Variants in SIL1 observed in about 807,000 individuals in gnomAD.
SIL1 encodes SIL1 nucleotide exchange factor, also known as nucleotide exchange factor SIL1.
In SIL1, 40 loss-of-function variants were observed where a neutral mutation model predicts 49.1. The ratio of observed to expected loss-of-function variants is 0.81; its 90% confidence interval spans 0.63 to 1.06. The LOEUF (loss-of-function observed/expected upper bound fraction) is 1.06. SIL1 is among the 50% of genes least tolerant of loss of function. The pLI is 0.00. For missense variants in SIL1, 500 were observed against 572.6 expected (o/e 0.87, Z 1.29); for synonymous variants, 253 against 250.8 (o/e 1.01, Z -0.08).
At chr5:139,085,330 T>A (rs182370062) in intron 3 of SIL1, among the ~76,000 whole-genome samples, 14 of 152,254 alleles carry the variant, frequency 9.2e-5, no homozygotes, top group South Asian at 8.3e-4. Context: ...AGTTGGATCT[T>A]AACTCTAAAC....
At chr5:138,995,232 A>G (rs1196984870) in intron 7 of SIL1, among the ~76,000 whole-genome samples, 1 of 149,126 alleles carries the variant, frequency 6.7e-6, no homozygotes, top group Non-Finnish European at 1.5e-5. Flanking sequence ...TGGGATATCT[A>G]TCACCTTAAA....
At chr5:138,956,907 T>C (rs1022883753) in intron 7 of SIL1, among the ~76,000 whole-genome samples, 2 of 152,164 alleles carry the variant, frequency 1.3e-5, no homozygotes, top group Admixed American at 6.5e-5. Context: ...CACATCACTT[T>C]GTGTTGGGAC....
At chr5:139,072,221 T>C (rs978840851) in intron 3 of SIL1, among the ~76,000 whole-genome samples, 1 of 152,226 alleles carries the variant, frequency 6.6e-6, no homozygotes, top group Non-Finnish European at 1.5e-5. Flanking sequence ...AATTGGGGTC[T>C]ATTATAAATT....
intron 3 of SIL1, among the ~76,000 whole-genome samples, chr5:139,097,139 T>A (rs1770485667): frequency 6.6e-6 from 1 of 152,054 alleles, no homozygotes; most frequent in African/African-American, 2.4e-5. Context: ...TCTTGTGGTT[T>A]AAGTGCCACC....
chr5:139,182,240 G>A (rs745644832), intron 1 of SIL1, among the ~76,000 whole-genome samples: 3 of 152,160 alleles, frequency 2.0e-5, no homozygotes, highest in Non-Finnish European at 4.4e-5. Context: ...TGTTCCCTAG[G>A]TCTAAGGAGA....
At chr5:139,152,577 T>C (rs955995274) in intron 1 of SIL1, among the ~76,000 whole-genome samples, 3 of 147,342 alleles carry the variant, frequency 2.0e-5, no homozygotes, top group Non-Finnish European at 4.5e-5. Flanking sequence ...GCCGAGATCA[T>C]GCCACTACAC....
At chr5:139,151,083 G>C (rs1445123517) in intron 1 of SIL1, among the ~76,000 whole-genome samples, 1 of 152,156 alleles carries the variant, frequency 6.6e-6, no homozygotes, top group African/African-American at 2.4e-5. Flanking sequence ...GGACAAAATA[G>C]GTATTGAAGA....
At chr5:139,011,660 TC>T (rs1265550944) in intron 7 of SIL1, among the ~76,000 whole-genome samples, 1 of 152,152 alleles carries the variant, frequency 6.6e-6, no homozygotes, top group African/African-American at 2.4e-5. Context: ...AGTTTGATTA[TC>T]TGTTTCTGCT....
At chr5:139,154,806 A>G (rs1751376612) in intron 1 of SIL1, among the ~76,000 whole-genome samples, 1 of 152,208 alleles carries the variant, frequency 6.6e-6, no homozygotes, top group South Asian at 2.1e-4. Flanking sequence ...TAATCAAGTG[A>G]CTTGTCTCCT....
intron 3 of SIL1, among the ~76,000 whole-genome samples, chr5:139,116,355 C>T (rs745705698): frequency 2.0e-5 from 3 of 152,156 alleles, no homozygotes; most frequent in Non-Finnish European, 4.4e-5. Context: ...CCTGCACAGG[C>T]TTCCTGCGTG....
intron 9 of SIL1, among the ~76,000 whole-genome samples, chr5:138,949,614 C>A (rs2150376103): frequency 6.6e-6 from 1 of 152,008 alleles, no homozygotes; most frequent in East Asian, 1.9e-4. Flanking sequence ...GAGTTCAAGA[C>A]CAGCCTGAGC....
chr5:139,181,081 A>C (rs1046153158), intron 1 of SIL1, among the ~76,000 whole-genome samples: 1 of 152,242 alleles, frequency 6.6e-6, no homozygotes, highest in Admixed American at 6.5e-5. Context: ...TTATGCCATT[A>C]TAATAACATT....
At chr5:138,983,248 C>A (rs1767571365) in intron 7 of SIL1, among the ~76,000 whole-genome samples, 1 of 147,678 alleles carries the variant, frequency 6.8e-6, no homozygotes, top group African/African-American at 2.5e-5. Flanking sequence ...GTGGCTCACA[C>A]CTGTCATCCC....
At chr5:139,078,566 C>T (rs1770002710) in intron 3 of SIL1, among the ~76,000 whole-genome samples, 1 of 152,184 alleles carries the variant, frequency 6.6e-6, no homozygotes, top group Non-Finnish European at 1.5e-5. Context: ...AGGCAACTTG[C>T]ACAGGCCAGC....
intron 2 of SIL1, among the ~76,000 whole-genome samples, chr5:139,124,311 G>A (rs554321515): frequency 1.8e-4 from 28 of 152,192 alleles, no homozygotes; most frequent in African/African-American, 6.0e-4. Context: ...ATGAACCACC[G>A]AGCTACATGC....
intron 3 of SIL1, among the ~76,000 whole-genome samples, chr5:139,098,653 G>C (rs1770520487): frequency 6.6e-6 from 1 of 152,004 alleles, no homozygotes; most frequent in Admixed American, 6.6e-5. Flanking sequence ...AAGGTGAAGA[G>C]ACAACCCACA....
chr5:138,951,247 G>T lies in SIL1; in HGVS notation c.953C>A (p.Thr318Asn), dbSNP rs1461481800. ...CTCCGTGCCCTTCTCCTGCACCAGG[G>T]TCCTCAGGACCTGCAGCCCCCCGAG... is the stretch of plus-strand genomic sequence containing the variant. ...LKLGGLQVLRTLVQEKGTEVL... is the reference protein window; with the variant it reads ...LKLGGLQVLRNLVQEKGTEVL... Residue 318 changes from threonine (T) to asparagine (N), a missense_variant, in exon 9 of 10, where the codon ACC (threonine) becomes AAC (asparagine). Thr to Asn is a moderately conservative substitution (Grantham distance 65, BLOSUM62 0). Coordinates refer to ENST00000394817, the MANE Select transcript of SIL1 (RefSeq NM_022464.5). 1.2e-6 allele frequency: 2 copies of T among 1,600,074 alleles called. No individual in the cohort carries two copies. The highest frequency in any genetic ancestry group is 1.7e-5 in the Admixed American group (1 of 58,472).
intron 3 of SIL1, among the ~76,000 whole-genome samples, chr5:139,099,255 TTA>T (rs1029151138): frequency 1.8e-4 from 28 of 152,158 alleles, no homozygotes; most frequent in Non-Finnish European, 3.1e-4. Flanking sequence ...TTAAAATGGC[TTA>T]TATCCAAAAA....
intron 7 of SIL1, among the ~76,000 whole-genome samples, chr5:138,970,019 T>C (rs181730989): frequency 1.1e-3 from 161 of 152,236 alleles, no homozygotes; most frequent in South Asian, 3.7e-3. Flanking sequence ...GCCCTGGGAG[T>C]ATGGCCTCTT....
Sources: allele counts gnomAD v4.1 joint callset (sites outside exome capture counted in the v4.1 genomes callset), GRCh38; gene constraint gnomAD v4.1.1; transcripts MANE v1.5; gene names NCBI Gene and HGNC (gene_info 2026-07-23, HGNC 2026-07-21).